The following EWSR1 variants were observed in gnomAD, a reference collection of about 807,000 sequenced individuals.
EWSR1 encodes RNA-binding protein EWS.
In EWSR1, 14 loss-of-function variants were observed where a neutral mutation model predicts 92.1. The ratio of observed to expected loss-of-function variants is 0.15; its 90% CI spans 0.10 to 0.24. The LOEUF (loss-of-function observed/expected upper bound fraction) is 0.24, where lower values mean the gene tolerates loss of function less well. Ranked by LOEUF, EWSR1 falls within the 10% of genes least tolerant of loss-of-function variation. The pLI is 1.00. For missense variants in EWSR1, 637 were observed against 870.9 expected, an observed-to-expected ratio of 0.73 and a Z score of 3.38; for synonymous variants, 303 against 292.9, an observed-to-expected ratio of 1.03 and a Z score of -0.35.
At chr22:29,289,489 C>T (rs1482951460) in intron 8 of EWSR1, 1 of 232,752 alleles carries the variant, frequency 4.3e-6, no homozygotes, top group Non-Finnish European at 8.5e-6. Context: ...GCTGCCTCTG[C>T]CTGCCCTTCC....
chr22:29,284,334 G>A (rs934005371), intron 6 of EWSR1, among the ~76,000 whole-genome samples: 1 of 151,376 alleles, frequency 6.6e-6, no homozygotes, highest in African/African-American at 2.5e-5. Context: ...TGTTTGAATT[G>A]TGCCCTGAAA....
intron 4 of EWSR1, among the ~76,000 whole-genome samples, chr22:29,275,463 C>G (rs1201973042): frequency 1.3e-5 from 2 of 152,106 alleles, no homozygotes; most frequent in Non-Finnish European, 2.9e-5. Context: ...GGAGATTGCA[C>G]TTAGTAATAA....
chr22:29,293,318 T>C (rs1345299678), intron 11 of EWSR1, among the ~76,000 whole-genome samples: 1 of 152,162 alleles, frequency 6.6e-6, no homozygotes, highest in Non-Finnish European at 1.5e-5. Flanking sequence ...CCTCAAATTA[T>C]TGTGTCTTTA....
intron 5 of EWSR1, among the ~76,000 whole-genome samples, chr22:29,280,475 G>A (rs1415863373): frequency 6.6e-6 from 1 of 152,162 alleles, no homozygotes; most frequent in African/African-American, 2.4e-5. Context: ...AACCCCTGGA[G>A]TTTTCCTTGG....
Position 29,293,627 on chromosome 22 carries a change from C to T in EWSR1, c.1164+1021C>T, listed in dbSNP as rs771179344. Among the ~76,000 whole-genome samples, 18 of 152,298 alleles carry T rather than the reference C, an allele frequency of 1.2e-4. No homozygotes were observed. The East Asian group carries it at 1.4e-3, about 11-fold the overall frequency. On this transcript the variant is annotated intron_variant, in intron 11 of 16. Coordinates refer to ENST00000397938, the MANE Select transcript of EWSR1 (RefSeq NM_005243.4). ...GTCACCAGGCTGGAGTGCAGTGGCA[C>T]GATCTCGGCTCACTGCAGCCTCTGG...
rs1009037002 is a variant in EWSR1, at chr22:29,286,195, A to G, written c.582-728A>G. ...TCTTCACTCTGTTCCCGAGTCGCCA[A>G]GGCTGGAGTACAGTAGCGGATCTCA... On this transcript the variant is annotated intron_variant, in intron 6 of 16. Coordinates refer to ENST00000397938, the MANE Select transcript of EWSR1 (RefSeq NM_005243.4). Among the ~76,000 whole-genome samples, 5 of 151,666 alleles carry G rather than the reference A, an allele frequency of 3.3e-5. No individual in the cohort carries two copies. The East Asian group carries it at 5.9e-4, about 18-fold the overall frequency.
Position 29,272,440 on chromosome 22 carries a change from T to C in EWSR1, c.102+9T>C, listed in dbSNP as rs774427133. ...ATGCACAGACCACCCAGGTAATCTTTAAAATAATTACATGTAGCTGCACCT... is the reference window on the plus strand; with the variant it reads ...ATGCACAGACCACCCAGGTAATCTTCAAAATAATTACATGTAGCTGCACCT... On this transcript the variant is annotated intron_variant, in intron 3 of 16. Coordinates refer to ENST00000397938, the MANE Select transcript of EWSR1 (RefSeq NM_005243.4). 1 of 1,611,922 alleles carries C rather than the reference T, an allele frequency of 6.2e-7. No individual in the cohort carries two copies. Among genetic ancestry groups the C allele is most frequent in the Non-Finnish European group, 8.5e-7 (1 of 1,179,598 alleles).
chr22:29,299,756 A>T lies in EWSR1; in HGVS notation c.1836A>T (p.Gly612=), dbSNP rs564325903. 1.9e-6 allele frequency: 3 copies of T among 1,607,978 alleles called. No individual in the cohort carries two copies. The African/African-American group carries it at 4.0e-5, about 21-fold the overall frequency. The change falls in exon 16 of 17, where the codon GGA becomes GGT. Residue 612 remains glycine, a synonymous_variant. Transcript: ENST00000397938. The stretch of plus-strand genomic sequence containing the variant: ...GCATGGACCGAGGTGGCTTTGGTGG[A>T]GGAAGACGAGGTGGCCCTGGGGGGC... ...GRGMDRGGFG[G]GRRGGPGGPP...
chr22:29,275,731 T>G (rs2059058586), intron 4 of EWSR1: 1 of 229,030 alleles, frequency 4.4e-6, no homozygotes, highest in Non-Finnish European at 8.7e-6. Flanking sequence ...TGTTCTCTTC[T>G]AGGATTTTTA....
chr22:29,277,729 T>C (rs2059230883), intron 4 of EWSR1: 1 of 329,620 alleles, frequency 3.0e-6, no homozygotes, highest in Middle Eastern at 7.9e-4. Flanking sequence ...CAGACTTGTC[T>C]CCTATTCACA....
At position 29,285,719 on chromosome 22, in the gene EWSR1, C is replaced by A. The variant is rs184032534; in HGVS notation, c.582-1204C>A. Among the ~76,000 whole-genome samples, 281 of 151,522 alleles carry A rather than the reference C, an allele frequency of 1.9e-3. 6 individuals are homozygous for A. Among genetic ancestry groups the A allele is most frequent in the Non-Finnish European group, 3.3e-3 (223 of 68,020 alleles). The stretch of plus-strand genomic sequence containing the variant: ...AACTGAATGCCTCACTTCACTCTCT[C>A]TATATTTTCTCAGTCCCCATTTCAC... On this transcript the variant is annotated intron_variant, in intron 6 of 16. Coordinates refer to ENST00000397938, the MANE Select transcript of EWSR1 (RefSeq NM_005243.4).
intron 5 of EWSR1, among the ~76,000 whole-genome samples, chr22:29,279,864 T>C (rs925371907): frequency 1.3e-5 from 2 of 152,240 alleles, no homozygotes; most frequent in South Asian, 4.1e-4. Context: ...GATACTCTGA[T>C]GCAACAGTAT....
intron 8 of EWSR1, chr22:29,290,646 G>A (rs1221640602): frequency 7.1e-7 from 1 of 1,415,372 alleles, no homozygotes; most frequent in African/African-American, 1.4e-5. Context: ...TAATACTCTA[G>A]AATTGTGTAA....
intron 1 of EWSR1, among the ~76,000 whole-genome samples, chr22:29,271,835 C>T (rs2058704345): frequency 6.6e-6 from 1 of 152,094 alleles, no homozygotes; most frequent in Non-Finnish European, 1.5e-5. Context: ...TTGCATGCCT[C>T]CGTTTTATAT....
chr22:29,281,581 TTTTG>T (rs749053011), intron 5 of EWSR1, among the ~76,000 whole-genome samples: 93 of 150,692 alleles, frequency 6.2e-4, no homozygotes, highest in African/African-American at 1.8e-3. Context: ...CTGGGATTTT[TTTTG>T]TTTGTTTGTT....
intron 6 of EWSR1, among the ~76,000 whole-genome samples, chr22:29,286,147 T>G (rs1218698713): frequency 4.8e-5 from 7 of 144,644 alleles, no homozygotes; most frequent in Admixed American, 2.1e-4. Context: ...CCTGATTTTT[T>G]GGGTTTTTTT....
intron 6 of EWSR1, among the ~76,000 whole-genome samples, chr22:29,283,942 C>T (rs2059818685): frequency 6.6e-6 from 1 of 151,344 alleles, no homozygotes; most frequent in African/African-American, 2.5e-5. Flanking sequence ...TCAAGCGATT[C>T]TCCTGCCTCA....
intron 6 of EWSR1, among the ~76,000 whole-genome samples, chr22:29,284,243 T>C (rs2059845491): frequency 6.6e-6 from 1 of 151,418 alleles, no homozygotes; most frequent in Admixed American, 6.6e-5. Context: ...GTGCTGGGAT[T>C]ATGGGATTAC....
At position 29,286,191 on chromosome 22, in the gene EWSR1, G is replaced by A. The variant is rs188568263; in HGVS notation, c.582-732G>A. ...GGAATCTTCACTCTGTTCCCGAGTC[G>A]CCAAGGCTGGAGTACAGTAGCGGAT... On this transcript the variant is annotated intron_variant, in intron 6 of 16. Coordinates refer to ENST00000397938, the MANE Select transcript of EWSR1 (RefSeq NM_005243.4). 7.3e-3 allele frequency among the ~76,000 whole-genome samples: 1,103 copies of A among 151,250 alleles called. 6 individuals carry two copies. The highest frequency in any genetic ancestry group is 0.014 in the Middle Eastern group (4 of 290).
Sources: allele counts gnomAD v4.1 joint callset (sites outside exome capture counted in the v4.1 genomes callset), GRCh38; gene constraint gnomAD v4.1.1; transcripts MANE v1.5; gene names NCBI Gene and HGNC (gene_info 2026-07-23, HGNC 2026-07-21).